SPATS2: variants seen among roughly 807,000 people sequenced by gnomAD.
SPATS2 encodes the protein spermatogenesis associated serine rich 2, also known as spermatogenesis-associated serine-rich protein 2.
In SPATS2, 38 loss-of-function variants were observed where a neutral mutation model predicts 63.7. That is an observed-to-expected ratio of 0.60 (90% CI 0.46 to 0.78). The LOEUF (loss-of-function observed/expected upper bound fraction) is 0.78. Among genes scored for constraint, SPATS2 ranks in the 30% least tolerant of loss-of-function variants. SPATS2 has a pLI of 0.00. For missense variants in SPATS2, 588 were observed against 666.2 expected, an observed-to-expected ratio of 0.88 and a Z score of 1.29; for synonymous variants, 207 against 232.9, an observed-to-expected ratio of 0.89 and a Z score of 1.01.
At chr12:49,502,260 A>G (rs560961309) in intron 9 of SPATS2, among the ~76,000 whole-genome samples, 2 of 151,974 alleles carry the variant, frequency 1.3e-5, no homozygotes, top group East Asian at 3.9e-4. Context: ...AGGTCCCCTC[A>G]GTCCTCCTGG....
intron 2 of SPATS2, among the ~76,000 whole-genome samples, chr12:49,445,501 A>T (rs1011445192): frequency 2.0e-4 from 30 of 151,676 alleles, no homozygotes; most frequent in Admixed American, 1.8e-3. Context: ...ATATATATAT[A>T]TATTTATTTT....
intron 6 of SPATS2, among the ~76,000 whole-genome samples, chr12:49,492,086 T>C (rs942067820): frequency 1.3e-5 from 2 of 152,218 alleles, no homozygotes; most frequent in Non-Finnish European, 2.9e-5. Flanking sequence ...TACCTAATAC[T>C]ACACAGATTC....
chr12:49,458,283 C>A (rs2137659264), intron 2 of SPATS2, among the ~76,000 whole-genome samples: 1 of 152,198 alleles, frequency 6.6e-6, no homozygotes, highest in Non-Finnish European at 1.5e-5. Context: ...GCCTGGCCAA[C>A]ATGGTGAAAC....
intron 2 of SPATS2, among the ~76,000 whole-genome samples, chr12:49,406,048 G>A (rs1199706854): frequency 6.6e-6 from 1 of 152,078 alleles, no homozygotes; most frequent in Non-Finnish European, 1.5e-5. Context: ...TGGATCACTT[G>A]AGGTCAGGAG....
chr12:49,382,538 A>C (rs1405980801), intron 2 of SPATS2, among the ~76,000 whole-genome samples: 3 of 152,226 alleles, frequency 2.0e-5, no homozygotes, highest in Non-Finnish European at 4.4e-5. Context: ...TGTGTGAAGC[A>C]AAAGGTCCCC....
intron 3 of SPATS2, among the ~76,000 whole-genome samples, chr12:49,468,474 T>C (rs549331481): frequency 7.4e-6 from 1 of 135,632 alleles, no homozygotes; most frequent in East Asian, 1.9e-4. Context: ...TTTTTGTTTT[T>C]GTTTTTGTTT....
intron 2 of SPATS2, among the ~76,000 whole-genome samples, chr12:49,459,660 A>T (rs1391788918): frequency 2.0e-5 from 3 of 150,822 alleles, no homozygotes; most frequent in Non-Finnish European, 4.4e-5. Flanking sequence ...ACCGTTATTA[A>T]AAAGTCTCAC....
At chr12:49,419,891 T>C (rs1944950218) in intron 2 of SPATS2, among the ~76,000 whole-genome samples, 1 of 140,396 alleles carries the variant, frequency 7.1e-6, no homozygotes, top group African/African-American at 2.9e-5. Context: ...AACATACTGT[T>C]TTATTGGTGC....
At chr12:49,385,881 T>TTTTTTG (rs1944309710) in intron 2 of SPATS2, among the ~76,000 whole-genome samples, 1 of 140,758 alleles carries the variant, frequency 7.1e-6, no homozygotes, top group Non-Finnish European at 1.6e-5. Flanking sequence ...TTTGTTTTTT[T>TTTTTTG]TTTTTGAGAC....
At chr12:49,367,444 C>A, upstream of SPATS2, 1 of 396,036 alleles carries the variant, frequency 2.5e-6, no homozygotes, top group Non-Finnish European at 4.4e-6. Context: ...TCTGAGAGAG[C>A]TGGGGGAGGA....
At chr12:49,406,202 C>T (rs548464949) in intron 2 of SPATS2, among the ~76,000 whole-genome samples, 11 of 151,844 alleles carry the variant, frequency 7.2e-5, no homozygotes, top group South Asian at 6.2e-4. Context: ...AGGATACTGA[C>T]ATATATGTAC....
chr12:49,487,758 C>T (rs1946319296), intron 4 of SPATS2, among the ~76,000 whole-genome samples: 1 of 152,146 alleles, frequency 6.6e-6, no homozygotes, highest in South Asian at 2.1e-4. Flanking sequence ...CCACCACATC[C>T]GGCTAATTTT....
rs981142091 is a variant in SPATS2, at chr12:49,526,982, A to C, written c.*727A>C. On this transcript the variant is annotated 3_prime_UTR_variant, in exon 14 of 14. Transcript: ENST00000552918. ...TGTGGCTCATGCCTGTAATCCCAGC[A>C]CTTTGGGAGGCTGAGGCGGGTGGAT... 33 of 152,102 alleles carry C rather than the reference A, an allele frequency of 2.2e-4. No homozygotes were observed. Among genetic ancestry groups the C allele is most frequent in the African/African-American group, 8.0e-4 (33 of 41,490 alleles). The allele number at this position is 152,102 out of a possible 1,614,324, so 9.4% of individuals were successfully genotyped here.
intron 2 of SPATS2, among the ~76,000 whole-genome samples, chr12:49,388,072 A>G (rs1435889507): frequency 6.6e-6 from 1 of 152,070 alleles, no homozygotes; most frequent in Non-Finnish European, 1.5e-5. Context: ...GTGCACCACT[A>G]TGCCTGGCTT....
At position 49,500,062 on chromosome 12, in the gene SPATS2, T is replaced by C. The variant is rs200457863; in HGVS notation, c.704-8T>C. The C allele has an allele frequency of 2.8e-4, 400 of 1,448,104 alleles. No individual in the cohort carries two copies. In the African/African-American group the frequency reaches 4.1e-3, roughly 15 times the overall value. 89.7% of individuals were successfully genotyped at this position (1,448,104 alleles called of 1,614,324 possible). A position where few individuals can be genotyped will look rare whatever the true frequency, so the allele number is the denominator to read the frequency against. ...TTTTTTTTTAATATTTCGGTTTTTTTCCCCAAGGTTCCAATATTGAAAAAT... is the reference window on the plus strand; with the variant it reads ...TTTTTTTTTAATATTTCGGTTTTTTCCCCCAAGGTTCCAATATTGAAAAAT... On this transcript the variant is annotated splice_polypyrimidine_tract_variant and splice_region_variant and intron_variant, in intron 8 of 13. Transcript: ENST00000552918.
Position 49,376,215 on chromosome 12 carries a change from C to G in SPATS2, c.-244+4925C>G, listed in dbSNP as rs1944099061. On this transcript the variant is annotated intron_variant, in intron 2 of 13. Coordinates refer to ENST00000552918, the MANE Select transcript of SPATS2 (RefSeq NM_023071.4). Reference sequence around the variant, plus strand: ...CTCCCAGGTTCAAGTGATTCTCCTGCCTCAGCCTCCCGAGTAGCTGGGATT... The same window carrying G: ...CTCCCAGGTTCAAGTGATTCTCCTGGCTCAGCCTCCCGAGTAGCTGGGATT... 3.3e-5 allele frequency among the ~76,000 whole-genome samples: 5 copies of G among 151,224 alleles called. 1 individual carries two copies. In the South Asian group the frequency reaches 1.0e-3, roughly 32 times the overall value.
chr12:49,477,821 C>G (rs1447224467), intron 3 of SPATS2, among the ~76,000 whole-genome samples: 7 of 152,140 alleles, frequency 4.6e-5, no homozygotes, highest in South Asian at 2.1e-4. Flanking sequence ...ATTATTTACA[C>G]ATTCTCTTTT....
chr12:49,519,113 AAAG>A lies in SPATS2; in HGVS notation c.944_946del (p.Lys315del), dbSNP rs1565762329. ...GCCGACAAAAGAAGGCTGAACTTCT[AAAG>A]AAGATGACTCATGTGGCTGTTCAAA... On this transcript the variant is annotated inframe_deletion, in exon 11 of 14. Transcript: ENST00000552918. 1 of 1,614,090 alleles carries A rather than the reference AAAG, an allele frequency of 6.2e-7. No homozygotes were observed. The highest frequency in any genetic ancestry group is 8.5e-7 in the Non-Finnish European group (1 of 1,179,976).
At chr12:49,414,913 TTC>T (rs1423368560) in intron 2 of SPATS2, among the ~76,000 whole-genome samples, 2 of 146,146 alleles carry the variant, frequency 1.4e-5, no homozygotes, top group Non-Finnish European at 3.1e-5. Flanking sequence ...GAGCATTTCT[TTC>T]TTTTTCTTTT....
Sources: gnomAD v4.1 joint callset for allele counts (sites outside exome capture counted in the v4.1 genomes callset) on GRCh38, gnomAD v4.1.1 for gene constraint, MANE v1.5 for transcripts, NCBI Gene and HGNC (gene_info 2026-07-23, HGNC 2026-07-21) for gene names.